The following NFATC3 variants were observed in gnomAD, a reference collection of about 807,000 sequenced individuals.
NFATC3 encodes the protein nuclear factor of activated T-cells, cytoplasmic 3.
Under a neutral mutation model 98.6 loss-of-function variants are expected in NFATC3, and 46 were observed. That is an observed-to-expected ratio of 0.47 (90% confidence interval 0.37 to 0.60). The LOEUF (loss-of-function observed/expected upper bound fraction) is 0.60, where lower values mean the gene tolerates loss of function less well. NFATC3 is among the 20% of genes least tolerant of loss of function. The pLI, the probability that NFATC3 is intolerant of heterozygous loss-of-function variation, is 0.00. For missense variants in NFATC3, 1,256 were observed against 1,295.5 expected, an observed-to-expected ratio of 0.97 and a Z score of 0.47; for synonymous variants, 512 against 472.2, an observed-to-expected ratio of 1.08 and a Z score of -1.09.
chr16:68,150,700 A>G (rs372627711), intron 3 of NFATC3, among the ~76,000 whole-genome samples: 9 of 152,210 alleles, frequency 5.9e-5, no homozygotes, highest in East Asian at 1.9e-4. Context: ...TGGTTTGGCT[A>G]TGTCTCCACC....
chr16:68,148,072 A>G (rs559352815), intron 3 of NFATC3, among the ~76,000 whole-genome samples: 3 of 152,026 alleles, frequency 2.0e-5, no homozygotes, highest in East Asian at 1.9e-4. Context: ...CTGGAGTGCA[A>G]TGGCGCGATC....
intron 1 of NFATC3, among the ~76,000 whole-genome samples, chr16:68,115,349 G>A (rs910461120): frequency 7.2e-5 from 11 of 152,092 alleles, no homozygotes; most frequent in Admixed American, 7.2e-4. Context: ...GGCATGAGCC[G>A]CTGCACCCGG....
At chr16:68,167,045 T>A in intron 5 of NFATC3, 30 bp downstream of exon 5, 1 of 1,597,554 alleles carries the variant, frequency 6.3e-7, no homozygotes, top group Admixed American at 1.7e-5. Context: ...TGTTTTAAGA[T>A]CTTGTGTATA....
chr16:68,099,921 A>G (rs1405297231), intron 1 of NFATC3, among the ~76,000 whole-genome samples: 1 of 151,924 alleles, frequency 6.6e-6, no homozygotes. Flanking sequence ...CTCTCCTCCC[A>G]CCTCAGCCTC....
chr16:68,177,099 A>G (rs2039752527), intron 6 of NFATC3, among the ~76,000 whole-genome samples: 1 of 150,022 alleles, frequency 6.7e-6, no homozygotes, highest in Non-Finnish European at 1.5e-5. Flanking sequence ...GCTGCATGCA[A>G]TGCCGTGGTG....
chr16:68,141,024 A>T (rs1032071514), intron 3 of NFATC3, among the ~76,000 whole-genome samples: 1 of 152,130 alleles, frequency 6.6e-6, no homozygotes, highest in African/African-American at 2.4e-5. Flanking sequence ...CTTTGCTCCC[A>T]CTTATAAGTG....
chr16:68,130,305 C>T (rs1012543406), intron 3 of NFATC3, among the ~76,000 whole-genome samples: 6 of 152,098 alleles, frequency 3.9e-5, no homozygotes, highest in African/African-American at 1.4e-4. Context: ...CTTATCCCAG[C>T]CAGAATTTTC....
intron 1 of NFATC3, among the ~76,000 whole-genome samples, chr16:68,112,781 C>T (rs9674335): frequency 0.028 from 4,289 of 151,188 alleles, 180 homozygotes; most frequent in African/African-American, 0.095. Context: ...GCCTCAGCCT[C>T]CCGACATTTT....
chr16:68,178,837 T>C (rs368600039), intron 6 of NFATC3, among the ~76,000 whole-genome samples: 3 of 152,224 alleles, frequency 2.0e-5, no homozygotes, highest in African/African-American at 7.2e-5. Flanking sequence ...TTGACTGAAG[T>C]TGAATCATGT....
chr16:68,100,908 GTGT>G (rs1035354449), intron 1 of NFATC3, among the ~76,000 whole-genome samples: 4 of 102,948 alleles, frequency 3.9e-5, no homozygotes, highest in South Asian at 2.5e-4. Flanking sequence ...TGTGTGTGGG[GTGT>G]GTGTGTGTGT....
At chr16:68,224,904 TAGTCAGA>T (rs1319443340) in intron 9 of NFATC3, 1 of 152,212 alleles carries the variant, frequency 6.6e-6, no homozygotes, top group Non-Finnish European at 1.5e-5. Context: ...GTTTTTAGTA[TAGTCAGA>T]GTTTTGCAAC....
chr16:68,226,191 T>C (rs2042032428), intron 9 of NFATC3, 159 bp from the exon 10 acceptor site: 1 of 755,864 alleles, frequency 1.3e-6, no homozygotes. Context: ...GATGTTTCCA[T>C]CTCTAATGCC....
intron 1 of NFATC3, among the ~76,000 whole-genome samples, chr16:68,103,292 T>A (rs1598363063): frequency 6.6e-6 from 1 of 152,134 alleles, no homozygotes; most frequent in Non-Finnish European, 1.5e-5. Context: ...GCAGGCAGCC[T>A]TGACCTCCTT....
intron 9 of NFATC3, among the ~76,000 whole-genome samples, chr16:68,196,890 TGTG>T (rs1203889174): frequency 6.6e-6 from 1 of 151,496 alleles, no homozygotes; most frequent in Non-Finnish European, 1.5e-5. Flanking sequence ...ATTAGCCTGG[TGTG>T]GTGGCGCATC....
intron 8 of NFATC3, among the ~76,000 whole-genome samples, chr16:68,186,701 C>CT (rs1215251113): frequency 6.6e-6 from 1 of 152,246 alleles, no homozygotes; most frequent in East Asian, 1.9e-4. Context: ...TAACTGAACA[C>CT]TTTAATTTTT....
intron 1 of NFATC3, among the ~76,000 whole-genome samples, chr16:68,106,745 T>G (rs193192671): frequency 0.12 from 17,874 of 151,746 alleles, 1,212 homozygotes; most frequent in South Asian, 0.2. Context: ...TTTTGTTGTT[T>G]TTTTTTTAAT....
chr16:68,221,597 C>T (rs2041866655), intron 9 of NFATC3: 1 of 1,074,286 alleles, frequency 9.3e-7, no homozygotes, highest in African/African-American at 1.6e-5. Flanking sequence ...GAAAGTCTGC[C>T]CCGTTGGAAC....
At chr16:68,216,650 GC>G (rs2041652477) in intron 9 of NFATC3, among the ~76,000 whole-genome samples, 1 of 150,140 alleles carries the variant, frequency 6.7e-6, no homozygotes, top group African/African-American at 2.4e-5. Flanking sequence ...TCCTTCCTCA[GC>G]CTCCCAAGTA....
chr16:68,226,630 A>G lies in NFATC3; in HGVS notation c.*159A>G. The G allele has an allele frequency of 1.2e-6, 1 of 801,484 alleles. No homozygotes were observed. Among genetic ancestry groups the G allele is most frequent in the South Asian group, 3.1e-5 (1 of 32,752 alleles). 49.6% of individuals were successfully genotyped at this position (801,484 alleles called of 1,614,324 possible). ...TTCCTCCACCTCAGGCCTTGGGTAG[A>G]TTTGGCAAAAGAACAGGAGCAGCAT... On this transcript the variant is annotated 3_prime_UTR_variant, in exon 10 of 10. Transcript: ENST00000346183.
Sources: gnomAD v4.1 joint callset for allele counts (sites outside exome capture counted in the v4.1 genomes callset) on GRCh38, gnomAD v4.1.1 for gene constraint, MANE v1.5 for transcripts, NCBI Gene and HGNC (gene_info 2026-07-23, HGNC 2026-07-21) for gene names.